PBRM1: variants seen among roughly 807,000 people sequenced by gnomAD.
PBRM1 encodes the protein protein polybromo-1.
A neutral mutation model predicts 194.5 loss-of-function variants in PBRM1; 27 were observed. The observed-to-expected ratio is 0.14, with a 90% CI of 0.10 to 0.19. The LOEUF (loss-of-function observed/expected upper bound fraction) is 0.19. Among genes scored for constraint, PBRM1 ranks in the 10% least tolerant of loss-of-function variants. PBRM1 has a pLI of 1.00. For synonymous variants in PBRM1, 655 were observed against 693.2 expected, an observed-to-expected ratio of 0.94 and a Z score of 0.87; for missense variants, 1,466 against 2,077.2, an observed-to-expected ratio of 0.71 and a Z score of 5.72.
At chr3:52,685,426 CTTTCCCG>C (rs2097296540) in intron 1 of PBRM1, 1 of 152,200 alleles carries the variant, frequency 6.6e-6, no homozygotes, top group East Asian at 1.9e-4. Flanking sequence ...AAATGAAGGA[CTTTCCCG>C]ACCTGTCACT....
At chr3:52,682,421 T>C (rs1330044017), upstream of PBRM1, among the ~76,000 whole-genome samples, 1 of 149,438 alleles carries the variant, frequency 6.7e-6, no homozygotes, top group Admixed American at 6.7e-5. Flanking sequence ...AGTTCAAAAT[T>C]ACTTTTATAA....
intron 13 of PBRM1, among the ~76,000 whole-genome samples, chr3:52,618,672 G>A (rs547256123): frequency 8.2e-4 from 117 of 142,470 alleles, no homozygotes; most frequent in Non-Finnish European, 1.5e-3. Flanking sequence ...TCAGCTCACC[G>A]CAACCTCTGC....
At chr3:52,594,500 T>C (rs769145334) in intron 17 of PBRM1, among the ~76,000 whole-genome samples, 1 of 152,224 alleles carries the variant, frequency 6.6e-6, no homozygotes, top group South Asian at 2.1e-4. Context: ...GATGGGTCTC[T>C]TGAAGACAGC....
At chr3:52,548,288 T>C (rs2079965680) in intron 29 of PBRM1, 53 bp from the exon 32 acceptor site, 2 of 1,403,564 alleles carry the variant, frequency 1.4e-6, no homozygotes, top group Non-Finnish European at 1.9e-6. Context: ...TTGGCAAAAT[T>C]TCCCTCAGTT....
intron 7 of PBRM1, among the ~76,000 whole-genome samples, chr3:52,646,038 C>T (rs1432819361): frequency 6.6e-6 from 1 of 152,128 alleles, no homozygotes; most frequent in Non-Finnish European, 1.5e-5. Context: ...GCTTAAGTTT[C>T]CCTTCTCTTT....
chr3:52,666,057 GAA>G (rs1016487972), intron 3 of PBRM1, among the ~76,000 whole-genome samples: 8 of 151,766 alleles, frequency 5.3e-5, no homozygotes, highest in Non-Finnish European at 1.0e-4. Context: ...GTAATAAGAG[GAA>G]AAAAGTTTTG....
chr3:52,594,321 T>C (rs2093372616), intron 17 of PBRM1, among the ~76,000 whole-genome samples: 1 of 152,240 alleles, frequency 6.6e-6, no homozygotes, highest in Admixed American at 6.5e-5. Context: ...CCTTTACCAT[T>C]ATGTAGTGCC....
chr3:52,548,060 T>C lies in PBRM1; in HGVS notation c.*3A>G, dbSNP rs577666469. On this transcript the variant is annotated 3_prime_UTR_variant, in exon 30 of 30. Coordinates refer to ENST00000296302, the Ensembl canonical transcript of PBRM1. Reference sequence around the variant, plus strand: ...TCTATATAAAAGAAACGTAATGATGTGATTAAACATTTTCTAGGTTGTATG... The same window carrying C: ...TCTATATAAAAGAAACGTAATGATGCGATTAAACATTTTCTAGGTTGTATG... The C allele has an allele frequency of 1.8e-5, 29 of 1,608,360 alleles. No homozygotes were observed. In the South Asian group the frequency reaches 3.0e-4, roughly 17 times the overall value.
intron 3 of PBRM1, among the ~76,000 whole-genome samples, chr3:52,662,877 A>G (rs2096754496): frequency 6.6e-6 from 1 of 151,956 alleles, no homozygotes; most frequent in South Asian, 2.1e-4. Context: ...TATTACTAAT[A>G]CACTAAGAAA....
intron 6 of PBRM1, among the ~76,000 whole-genome samples, chr3:52,649,176 T>C (rs538260213): frequency 1.3e-5 from 2 of 151,624 alleles, no homozygotes; most frequent in Non-Finnish European, 2.9e-5. Context: ...GGCAAAGGAG[T>C]GTAGCTATTT....
intron 20 of PBRM1, among the ~76,000 whole-genome samples, chr3:52,580,668 G>A (rs2090935676): frequency 6.6e-6 from 1 of 152,142 alleles, no homozygotes; most frequent in African/African-American, 2.4e-5. Context: ...AGCCAAACAT[G>A]CTCTGTTTTT....
At chr3:52,603,568 G>A in exon 17 of PBRM1, 1 of 1,602,530 alleles carries the variant, frequency 6.2e-7, no homozygotes, top group Non-Finnish European at 8.5e-7. Context: ...TATTTCTTTT[G>A]GCAATTTTTC....
exon 29 of PBRM1, chr3:52,550,596 T>C: frequency 1.3e-6 from 2 of 1,537,160 alleles, no homozygotes; most frequent in South Asian, 1.3e-5. Context: ...GGCCGGGATA[T>C]GGAGGTGGTG....
chr3:52,675,873 TGGGAGGCCGAGGCGGG>T (rs2097089609), intron 2 of PBRM1, among the ~76,000 whole-genome samples: 1 of 116,126 alleles, frequency 8.6e-6, no homozygotes, highest in Non-Finnish European at 1.8e-5. Context: ...CCCAGCACTT[TGGGAGGCCGAGGCGGG>T]CGGATCACGA....
At chr3:52,612,258 C>CAAAAAAAAAAAAAAAAAA (rs566481465) in intron 15 of PBRM1, among the ~76,000 whole-genome samples, 243 of 23,970 alleles carry the variant, frequency 0.01, 30 homozygotes, top group Non-Finnish European at 0.014. Context: ...GATTCCGTCT[C>CAAAAAAAAAAAAAAAAAA]AAAAAAAAAA....
At chr3:52,632,196 G>A (rs2095640622) in intron 11 of PBRM1, among the ~76,000 whole-genome samples, 1 of 152,164 alleles carries the variant, frequency 6.6e-6, no homozygotes, top group African/African-American at 2.4e-5. Flanking sequence ...TTTTGTGTCT[G>A]TCTGGAAATC....
At chr3:52,561,744 A>G (rs1351960534) in intron 25 of PBRM1, 23 bp downstream of exon 27, 2 of 1,602,494 alleles carry the variant, frequency 1.2e-6, no homozygotes, top group East Asian at 2.2e-5. Context: ...TTCGAAAGAC[A>G]GTTGTGCCTA....
intron 22 of PBRM1, among the ~76,000 whole-genome samples, chr3:52,571,001 G>A (rs2086934607): frequency 6.6e-6 from 1 of 151,864 alleles, no homozygotes; most frequent in African/African-American, 2.4e-5. Flanking sequence ...GGGACTACAG[G>A]CATGAGCTAC....
intron 10 of PBRM1, among the ~76,000 whole-genome samples, chr3:52,635,053 G>A (rs1323337888): frequency 6.6e-6 from 1 of 152,092 alleles, no homozygotes; most frequent in Admixed American, 6.6e-5. Flanking sequence ...AGTCTCCCGA[G>A]TAGCTAAGAA....
Sources: gnomAD v4.1 joint callset for allele counts (sites outside exome capture counted in the v4.1 genomes callset) on GRCh38, gnomAD v4.1.1 for gene constraint, MANE v1.5 for transcripts, NCBI Gene and HGNC (gene_info 2026-07-23, HGNC 2026-07-21) for gene names.